Variants in THRAP3 observed in about 807,000 individuals in gnomAD.
The protein encoded by THRAP3 is thyroid hormone receptor-associated protein 3.
A neutral mutation model predicts 101.0 loss-of-function variants in THRAP3; 16 were observed. The ratio of observed to expected loss-of-function variants is 0.16; its 90% CI spans 0.11 to 0.24. The LOEUF is 0.24. Among genes scored for constraint, THRAP3 ranks in the 10% least tolerant of loss-of-function variants. THRAP3 has a pLI of 1.00. For synonymous variants in THRAP3, 407 were observed against 422.6 expected, an observed-to-expected ratio of 0.96 and a Z score of 0.45; for missense variants, 989 against 1,202.7, an observed-to-expected ratio of 0.82 and a Z score of 2.63.
chr1:36,247,385 C>T (rs1037156686), intron 1 of THRAP3, among the ~76,000 whole-genome samples: 10 of 151,930 alleles, frequency 6.6e-5, no homozygotes, highest in African/African-American at 1.9e-4. Context: ...AGTGCAGTGG[C>T]GTGATCTTGG....
chr1:36,251,123 T>C (rs1395361185), intron 1 of THRAP3, among the ~76,000 whole-genome samples: 1 of 152,092 alleles, frequency 6.6e-6, no homozygotes, highest in East Asian at 1.9e-4. Flanking sequence ...ACTGGAGATA[T>C]AAAAAGGAAT....
At chr1:36,248,883 C>T (rs1278656933) in intron 1 of THRAP3, among the ~76,000 whole-genome samples, 3 of 151,790 alleles carry the variant, frequency 2.0e-5, no homozygotes, top group Non-Finnish European at 4.4e-5. Flanking sequence ...AAGGCACAGT[C>T]CCTATTCTTT....
chr1:36,257,904 G>A (rs1027160530), intron 1 of THRAP3, among the ~76,000 whole-genome samples: 23 of 152,284 alleles, frequency 1.5e-4, no homozygotes, highest in African/African-American at 5.3e-4. Flanking sequence ...GCAATGGCAC[G>A]ATCTCGGCAC....
chr1:36,279,171 C>A (rs927462333), intron 2 of THRAP3, among the ~76,000 whole-genome samples: 1 of 152,056 alleles, frequency 6.6e-6, no homozygotes, highest in Non-Finnish European at 1.5e-5. Context: ...TTTCTAGTTT[C>A]TGAGTGTTGA....
chr1:36,232,770 A>G (rs1010671862), intron 1 of THRAP3, among the ~76,000 whole-genome samples: 3 of 152,168 alleles, frequency 2.0e-5, no homozygotes, highest in Non-Finnish European at 4.4e-5. Context: ...GTGGTAGGTG[A>G]GTAGATTGCC....
chr1:36,219,220 A>C, the THRAP3 span, among the ~76,000 whole-genome samples: 1 of 152,136 alleles, frequency 6.6e-6, no homozygotes, highest in Non-Finnish European at 1.5e-5. Flanking sequence ...AATTCTGTGA[A>C]GATTGAAAGA....
intron 6 of THRAP3, 120 bp downstream of exon 6, chr1:36,291,666 G>A: frequency 9.0e-7 from 1 of 1,112,984 alleles, no homozygotes; most frequent in South Asian, 1.9e-5. Context: ...TTTGAAGCTA[G>A]GGGCTGGCTT....
Position 36,305,125 on chromosome 1 carries a change from G to A in THRAP3, c.*1108G>A. On this transcript the variant is annotated 3_prime_UTR_variant, in exon 12 of 12. Transcript: ENST00000354618. ...GCTTGCCTTCTGGGGAGGCGGTCCT[G>A]AGCAGGTGAATCATAAGGCATTTAT... is the stretch of plus-strand genomic sequence containing the variant. 1 of 216,950 alleles carries A rather than the reference G, an allele frequency of 4.6e-6. No homozygotes were observed. The allele number at this position is 216,950 out of a possible 1,614,324, so 13.4% of individuals were successfully genotyped here.
chr1:36,274,636 T>G (rs1227247555), intron 2 of THRAP3, among the ~76,000 whole-genome samples: 5 of 143,292 alleles, frequency 3.5e-5, no homozygotes, highest in African/African-American at 1.3e-4. Flanking sequence ...TTTTTTTTTT[T>G]TTTTTTTTTT....
chr1:36,277,408 C>T (rs1265965593), intron 2 of THRAP3, among the ~76,000 whole-genome samples: 3 of 152,110 alleles, frequency 2.0e-5, no homozygotes, highest in Non-Finnish European at 2.9e-5. Flanking sequence ...CCATGTTGGT[C>T]AGGCTGGTCT....
Position 36,303,900 on chromosome 1 carries a change from T to C in THRAP3, c.2751T>C (p.Ser917=). Residue 917 remains serine, a synonymous_variant, in exon 12 of 12, where the codon AGT becomes AGC. Transcript: ENST00000354618. ...GCCGGTTCATGTTCCGGAAATCAAGTACCAGCCCCAAGTGGGCCCATGACA... is the reference window on the plus strand; with the variant it reads ...GCCGGTTCATGTTCCGGAAATCAAGCACCAGCCCCAAGTGGGCCCATGACA... ...GRGRFMFRKS[S]TSPKWAHDKF... 1 of 1,613,612 alleles carries C rather than the reference T, an allele frequency of 6.2e-7. No individual in the cohort carries two copies. Among genetic ancestry groups the C allele is most frequent in the South Asian group, 1.1e-5 (1 of 91,004 alleles).
At chr1:36,268,575 C>T (rs1192691427) in intron 2 of THRAP3, among the ~76,000 whole-genome samples, 1 of 152,192 alleles carries the variant, frequency 6.6e-6, no homozygotes, top group Non-Finnish European at 1.5e-5. Context: ...AGTGGTAGCT[C>T]ACCTGCAGCC....
chr1:36,304,784 C>T lies in THRAP3; in HGVS notation c.*767C>T, dbSNP rs1456791808. ...TTCTCCACCAGCAGCTCCAGTATCC[C>T]AAACTTTCTAGTCCTGCTGATCCTC... On this transcript the variant is annotated 3_prime_UTR_variant, in exon 12 of 12. Coordinates refer to ENST00000354618, the MANE Select transcript of THRAP3 (RefSeq NM_005119.4). 4.7e-6 allele frequency: 1 copy of T among 212,450 alleles called. No homozygotes were observed. The highest frequency in any genetic ancestry group is 9.6e-6 in the Non-Finnish European group (1 of 104,700). The allele number at this position is 212,450 out of a possible 1,614,324, so 13.2% of individuals were successfully genotyped here. A position where few individuals can be genotyped will look rare whatever the true frequency, so the allele number is the denominator to read the frequency against.
the THRAP3 span, among the ~76,000 whole-genome samples, chr1:36,216,783 AC>A: frequency 1.3e-5 from 2 of 152,168 alleles, no homozygotes; most frequent in Non-Finnish European, 2.9e-5. Context: ...TGTCTCAAAA[AC>A]AAATAAGTAA....
intron 1 of THRAP3, among the ~76,000 whole-genome samples, chr1:36,246,405 G>GT (rs1645230893): frequency 6.6e-6 from 1 of 152,136 alleles, no homozygotes; most frequent in Non-Finnish European, 1.5e-5. Flanking sequence ...GCTAATTTTT[G>GT]TATCTTTAGT....
upstream of THRAP3, among the ~76,000 whole-genome samples, chr1:36,223,122 CAATAAATA>C (rs546686168): frequency 2.8e-4 from 42 of 151,674 alleles, no homozygotes; most frequent in Admixed American, 1.2e-3. Context: ...GGGAGAATCT[CAATAAATA>C]AATAAATAAA....
chr1:36,259,437 G>A lies in THRAP3; in HGVS notation c.-79G>A, dbSNP rs1046886616. ...CCAGTGGTGCTGCGGGTGTTCTTTT[G>A]GGGTAGTGTCTGGGATCCAGTACGA... On this transcript the variant is annotated 5_prime_UTR_variant, in exon 2 of 12. An upstream open reading frame in the 5' UTR gains an earlier in-frame stop. Transcript: ENST00000354618. 4 of 398,494 alleles carry A rather than the reference G, an allele frequency of 1.0e-5. No individual in the cohort carries two copies. Among genetic ancestry groups the A allele is most frequent in the Non-Finnish European group, 1.3e-5 (3 of 226,062 alleles). 24.7% of individuals were successfully genotyped at this position (398,494 alleles called of 1,614,324 possible).
chr1:36,241,428 T>TATATAC (rs1287287207), intron 1 of THRAP3, among the ~76,000 whole-genome samples: 11 of 137,848 alleles, frequency 8.0e-5, no homozygotes, highest in African/African-American at 1.4e-4. Flanking sequence ...TATATATATA[T>TATATAC]ACACATATAT....
chr1:36,297,763 C>T (rs1187657230), intron 9 of THRAP3, among the ~76,000 whole-genome samples: 5 of 151,264 alleles, frequency 3.3e-5, no homozygotes, highest in African/African-American at 1.2e-4. Flanking sequence ...ATCAGTTTTT[C>T]ATAACCCCTT....
Sources: gnomAD v4.1 joint callset for allele counts (sites outside exome capture counted in the v4.1 genomes callset) on GRCh38, gnomAD v4.1.1 for gene constraint, MANE v1.5 for transcripts, NCBI Gene and HGNC (gene_info 2026-07-23, HGNC 2026-07-21) for gene names.